Variants in MYLK4 observed in about 807,000 individuals in gnomAD.
MYLK4 encodes myosin light chain kinase family member 4.
In MYLK4, 46 loss-of-function variants were observed where a neutral mutation model predicts 48.1. That is an observed-to-expected ratio of 0.96 (90% CI 0.75 to 1.22). The LOEUF (loss-of-function observed/expected upper bound fraction) is 1.22, where lower values mean the gene tolerates loss of function less well. MYLK4 is among the 50% of genes most tolerant of loss of function. The pLI is 0.00. For synonymous variants in MYLK4, 170 were observed against 180.8 expected (o/e 0.94, Z 0.48); for missense variants, 451 against 486.1 (o/e 0.93, Z 0.68).
At chr6:2,707,426 C>T (rs1476708041) in intron 2 of MYLK4, among the ~76,000 whole-genome samples, 1 of 152,150 alleles carries the variant, frequency 6.6e-6, no homozygotes, top group Non-Finnish European at 1.5e-5. Flanking sequence ...TGGTGGCGCA[C>T]ATTTACACGC....
At chr6:2,743,064 C>T (rs1237131404) in intron 2 of MYLK4, among the ~76,000 whole-genome samples, 2 of 151,944 alleles carry the variant, frequency 1.3e-5, no homozygotes, top group African/African-American at 4.8e-5. Flanking sequence ...ACAAACAATG[C>T]ATCAACAGCT....
At chr6:2,756,199 T>C in the MYLK4 span, among the ~76,000 whole-genome samples, 1 of 152,196 alleles carries the variant, frequency 6.6e-6, no homozygotes, top group South Asian at 2.1e-4. Flanking sequence ...TATTCTTTTA[T>C]AAAGAAGAGC....
chr6:2,765,182 A>ACCCCCCCCCCCC, the MYLK4 span, among the ~76,000 whole-genome samples: 26 of 72,916 alleles, frequency 3.6e-4, no homozygotes, highest in African/African-American at 6.8e-4. Flanking sequence ...TCGCCTCGCA[A>ACCCCCCCCCCCC]CCCCCCCCCC....
chr6:2,676,020 A>G (rs570363998), intron 10 of MYLK4, among the ~76,000 whole-genome samples: 93 of 149,238 alleles, frequency 6.2e-4, no homozygotes, highest in African/African-American at 2.2e-3. Flanking sequence ...TGAACCCAGG[A>G]GGTGGAGGTT....
At chr6:2,704,469 A>C (rs1762415227) in intron 2 of MYLK4, among the ~76,000 whole-genome samples, 1 of 152,216 alleles carries the variant, frequency 6.6e-6, no homozygotes, top group Non-Finnish European at 1.5e-5. Flanking sequence ...GAAGTAATTT[A>C]CCATTTGATC....
chr6:2,696,546 C>T (rs1467993159), intron 2 of MYLK4, among the ~76,000 whole-genome samples: 2 of 152,228 alleles, frequency 1.3e-5, no homozygotes, highest in South Asian at 4.1e-4. Flanking sequence ...CCTCGCCAGG[C>T]CCTGGATCTG....
intron 4 of MYLK4, among the ~76,000 whole-genome samples, chr6:2,688,266 C>T (rs1582046245): frequency 6.6e-6 from 1 of 152,092 alleles, no homozygotes; most frequent in Non-Finnish European, 1.5e-5. Context: ...ACCATGTTGG[C>T]CAGGATGGTC....
At chr6:2,683,411 G>GTGTGTGTT (rs1473487365) in intron 6 of MYLK4, among the ~76,000 whole-genome samples, 143 of 132,670 alleles carry the variant, frequency 1.1e-3, no homozygotes, top group African/African-American at 3.5e-3. Flanking sequence ...GTGTGTGTGT[G>GTGTGTGTT]TGTGTGTGTG....
chr6:2,731,051 T>TA (rs1763460842), intron 2 of MYLK4, among the ~76,000 whole-genome samples: 3 of 152,120 alleles, frequency 2.0e-5, no homozygotes, highest in East Asian at 1.9e-4. Flanking sequence ...GATAGCCTTT[T>TA]TAAAAAAAAG....
intron 10 of MYLK4, among the ~76,000 whole-genome samples, chr6:2,675,635 C>T (rs987530517): frequency 6.6e-6 from 1 of 151,846 alleles, no homozygotes; most frequent in Non-Finnish European, 1.5e-5. Flanking sequence ...CCATTAGATA[C>T]TTTTATGAAG....
intron 2 of MYLK4, among the ~76,000 whole-genome samples, chr6:2,714,086 G>C (rs1343568863): frequency 6.6e-6 from 1 of 152,156 alleles, no homozygotes; most frequent in African/African-American, 2.4e-5. Flanking sequence ...CAAGCAGTGT[G>C]GAAGTTCCTC....
chr6:2,664,559 C>T lies in MYLK4; in HGVS notation c.*3366G>A. 1 of 152,256 alleles carries T rather than the reference C, an allele frequency of 6.6e-6. No individual in the cohort carries two copies. 9.4% of individuals were successfully genotyped at this position (152,256 alleles called of 1,614,324 possible). On this transcript the variant is annotated 3_prime_UTR_variant, in exon 13 of 13. Coordinates refer to ENST00000274643, the MANE Select transcript of MYLK4 (RefSeq NM_001012418.5). ...AATGAAATAAAGAGCAGATTCTGTT[C>T]CTAGTATCAAATCCATATTTTGATT...
At chr6:2,705,035 A>G (rs1002518123) in intron 2 of MYLK4, among the ~76,000 whole-genome samples, 1 of 152,220 alleles carries the variant, frequency 6.6e-6, no homozygotes, top group Non-Finnish European at 1.5e-5. Flanking sequence ...GTGCTTTTCC[A>G]AATATCTCCA....
intron 1 of MYLK4, among the ~76,000 whole-genome samples, chr6:2,750,222 C>T (rs1764246336): frequency 6.6e-6 from 1 of 152,172 alleles, no homozygotes; most frequent in Non-Finnish European, 1.5e-5. Flanking sequence ...ATTTTCTCCG[C>T]TTAAAAACCG....
At chr6:2,762,858 G>A in the MYLK4 span, among the ~76,000 whole-genome samples, 2 of 152,174 alleles carry the variant, frequency 1.3e-5, no homozygotes, top group Non-Finnish European at 2.9e-5. Context: ...TCCTGCCAGT[G>A]GGTTCAGTGG....
At chr6:2,683,426 T>A (rs1030869006) in intron 6 of MYLK4, among the ~76,000 whole-genome samples, 4 of 143,044 alleles carry the variant, frequency 2.8e-5, no homozygotes, top group African/African-American at 1.0e-4. Flanking sequence ...TGTGTGTGTG[T>A]GTGTGTGTTT....
intron 2 of MYLK4, 151 bp downstream of exon 2, chr6:2,748,985 T>C (rs759859487): frequency 6.1e-6 from 4 of 654,434 alleles, no homozygotes; most frequent in Non-Finnish European, 1.0e-5. Flanking sequence ...AACACAATTG[T>C]ATAGTCGACA....
chr6:2,668,678 A>T (rs1241973289), intron 12 of MYLK4, among the ~76,000 whole-genome samples: 1 of 152,230 alleles, frequency 6.6e-6, no homozygotes, highest in Non-Finnish European at 1.5e-5. Context: ...AGGGAATATT[A>T]TCGTGAAGAA....
chr6:2,727,724 G>A (rs937960251), intron 2 of MYLK4, among the ~76,000 whole-genome samples: 10 of 151,992 alleles, frequency 6.6e-5, no homozygotes, highest in Admixed American at 2.0e-4. Flanking sequence ...CGAGGTGGGC[G>A]GATCACGAGG....
Sources: allele counts gnomAD v4.1 joint callset (sites outside exome capture counted in the v4.1 genomes callset), GRCh38; gene constraint gnomAD v4.1.1; transcripts MANE v1.5; gene names NCBI Gene and HGNC (gene_info 2026-07-23, HGNC 2026-07-21).